NF1: variants seen among roughly 807,000 people sequenced by gnomAD.
NF1 encodes the protein neurofibromin 1.
A neutral mutation model predicts 325.7 loss-of-function variants in NF1; 122 were observed. The observed-to-expected ratio is 0.37, with a 90% CI of 0.32 to 0.44. NF1 has a LOEUF of 0.44. Among genes scored for constraint, NF1 ranks in the 20% least tolerant of loss-of-function variants. The pLI, the probability that NF1 is intolerant of heterozygous loss-of-function variation, is 1.00. For missense variants in NF1, 2,140 were observed against 3,415.4 expected, an observed-to-expected ratio of 0.63 and a Z score of 9.31; for synonymous variants, 1,091 against 1,186.0, an observed-to-expected ratio of 0.92 and a Z score of 1.65.
intron 45 of NF1, 66 bp from the exon 46 acceptor site, chr17:31,338,638 A>T: frequency 1.0e-6 from 1 of 997,628 alleles, no homozygotes; most frequent in East Asian, 2.4e-5. Flanking sequence ...TCATTCCGAG[A>T]TTCAGTTTAG....
rs2072131 is a variant in NF1, at chr17:31,232,570, G to C, written c.3315-130G>C. The C allele has an allele frequency of 0.36, 315,656 of 875,238 alleles. 65,972 individuals carry two copies. Among genetic ancestry groups the C allele is most frequent in the African/African-American group, 0.82 (49,117 of 60,158 alleles). 54.2% of individuals were successfully genotyped at this position (875,238 alleles called of 1,614,324 possible). On this transcript the variant is annotated intron_variant, in intron 25 of 57. Coordinates refer to ENST00000358273, the MANE Select transcript of NF1 (RefSeq NM_001042492.3). Reference sequence around the variant, plus strand: ...TAATAAGCCACCCTGGCTGATTATCGCGAGAGAGGAGAGAAACAGTTAACC... The same window carrying C: ...TAATAAGCCACCCTGGCTGATTATCCCGAGAGAGGAGAGAAACAGTTAACC...
At chr17:31,288,367 A>T (rs1033829733) in intron 36 of NF1, among the ~76,000 whole-genome samples, 1 of 152,176 alleles carries the variant, frequency 6.6e-6, no homozygotes, top group Non-Finnish European at 1.5e-5. Flanking sequence ...TTAACACATT[A>T]TTAACACCTT....
chr17:31,372,442 T>C (rs1019898609), intron 57 of NF1, among the ~76,000 whole-genome samples: 3 of 152,210 alleles, frequency 2.0e-5, no homozygotes, highest in African/African-American at 7.2e-5. Flanking sequence ...TGGGGGTAAA[T>C]TTTATTGATG....
chr17:31,308,978 C>T (rs1373253662), intron 36 of NF1, among the ~76,000 whole-genome samples: 3 of 152,168 alleles, frequency 2.0e-5, no homozygotes, highest in African/African-American at 7.2e-5. Context: ...TTATCTAGAG[C>T]ATATTATGTG....
chr17:31,100,488 A>T (rs1157576775), intron 1 of NF1, among the ~76,000 whole-genome samples: 1 of 152,140 alleles, frequency 6.6e-6, no homozygotes, highest in Non-Finnish European at 1.5e-5. Flanking sequence ...ATTTTAGTAT[A>T]TGTGGTGCTG....
At chr17:31,286,737 A>G (rs1303135245) in intron 36 of NF1, among the ~76,000 whole-genome samples, 1 of 152,254 alleles carries the variant, frequency 6.6e-6, no homozygotes, top group Non-Finnish European at 1.5e-5. Flanking sequence ...ACTACATAAT[A>G]TCTCAAATGT....
At chr17:31,294,833 A>T in intron 36 of NF1, 1 of 746,910 alleles carries the variant, frequency 1.3e-6, no homozygotes, top group South Asian at 1.7e-5. Flanking sequence ...GTACCAAGAC[A>T]TTGTGCATTT....
At chr17:31,107,841 T>G (rs1913004797) in intron 1 of NF1, among the ~76,000 whole-genome samples, 1 of 152,052 alleles carries the variant, frequency 6.6e-6, no homozygotes, top group African/African-American at 2.4e-5. Context: ...TAAATGGATT[T>G]AAAAATGCTG....
chr17:31,280,739 C>T (rs2068102955), intron 36 of NF1, among the ~76,000 whole-genome samples: 1 of 151,988 alleles, frequency 6.6e-6, no homozygotes, highest in African/African-American at 2.4e-5. Flanking sequence ...AGAATCATCT[C>T]TCTGAAATGT....
At chr17:31,106,481 G>A (rs897276689) in intron 1 of NF1, among the ~76,000 whole-genome samples, 6 of 152,160 alleles carry the variant, frequency 3.9e-5, no homozygotes, top group African/African-American at 1.4e-4. Flanking sequence ...TTAAACTAGA[G>A]TATGGATGTC....
intron 36 of NF1, among the ~76,000 whole-genome samples, chr17:31,271,860 T>C (rs1424890916): frequency 2.0e-5 from 3 of 151,666 alleles, no homozygotes; most frequent in Non-Finnish European, 4.4e-5. Flanking sequence ...TCACTGTTGC[T>C]CACTCGCTCT....
At chr17:31,209,122 C>T (rs1188025191) in intron 12 of NF1, among the ~76,000 whole-genome samples, 1 of 151,794 alleles carries the variant, frequency 6.6e-6, no homozygotes, top group Non-Finnish European at 1.5e-5. Context: ...ATTCCCTTTA[C>T]CCCCCAGCCC....
At chr17:31,189,274 A>C (rs771799582) in intron 8 of NF1, among the ~76,000 whole-genome samples, 1 of 152,072 alleles carries the variant, frequency 6.6e-6, no homozygotes, top group Admixed American at 6.6e-5. Context: ...TCTTTTTACT[A>C]TATAGATATT....
chr17:31,243,212 G>T (rs1183736261), intron 29 of NF1, among the ~76,000 whole-genome samples: 1 of 151,462 alleles, frequency 6.6e-6, no homozygotes, highest in Admixed American at 6.6e-5. Context: ...GTGTGTGTGT[G>T]TTGAGCTGCC....
chr17:31,373,899 C>A, intron 57 of NF1, 114 bp from the exon 58 acceptor site: 1 of 1,303,084 alleles, frequency 7.7e-7, no homozygotes, highest in Non-Finnish European at 1.1e-6. Flanking sequence ...CAGACAAAAT[C>A]GCCTAATGAT....
intron 36 of NF1, among the ~76,000 whole-genome samples, chr17:31,288,254 A>G (rs1204131739): frequency 2.0e-5 from 3 of 152,130 alleles, no homozygotes; most frequent in African/African-American, 7.2e-5. Flanking sequence ...TATGTTTAAC[A>G]AAGTTGGGGC....
intron 14 of NF1, chr17:31,219,348 T>A (rs1225872412): frequency 3.9e-6 from 1 of 256,356 alleles, no homozygotes; most frequent in Non-Finnish European, 7.3e-6. Flanking sequence ...AATAAAATAG[T>A]TCGAGATTTT....
chr17:31,231,427 A>T (rs569852527), intron 24 of NF1, among the ~76,000 whole-genome samples: 2 of 152,290 alleles, frequency 1.3e-5, no homozygotes, highest in African/African-American at 4.8e-5. Context: ...TCTTTGACCA[A>T]GCCTAGCTTT....
At chr17:31,192,851 T>G (rs542841171) in intron 8 of NF1, among the ~76,000 whole-genome samples, 5 of 152,262 alleles carry the variant, frequency 3.3e-5, no homozygotes, top group African/African-American at 1.2e-4. Flanking sequence ...TGATGAGAAT[T>G]TATGGTTTGT....
Sources: gnomAD v4.1 joint callset for allele counts (sites outside exome capture counted in the v4.1 genomes callset) on GRCh38, gnomAD v4.1.1 for gene constraint, MANE v1.5 for transcripts, NCBI Gene and HGNC (gene_info 2026-07-23, HGNC 2026-07-21) for gene names.